HECTD4: variants seen among roughly 807,000 people sequenced by gnomAD.
HECTD4 encodes the protein probable E3 ubiquitin-protein ligase HECTD4.
In HECTD4, 114 loss-of-function variants were observed where a neutral mutation model predicts 471.5. That is an observed-to-expected ratio of 0.24 (90% CI 0.21 to 0.28). The LOEUF is 0.28. Among genes scored for constraint, HECTD4 ranks in the 10% least tolerant of loss-of-function variants. The probability of loss-of-function intolerance (pLI) is 1.00; values close to 1 mark genes in which losing one functional copy is unlikely to be tolerated. For missense variants in HECTD4, 3,866 were observed against 5,651.5 expected (o/e 0.68, Z 10.13); for synonymous variants, 2,012 against 2,256.0 (o/e 0.89, Z 3.07).
At chr12:112,380,972 C>G (rs2036876245) in intron 1 of HECTD4, among the ~76,000 whole-genome samples, 1 of 152,160 alleles carries the variant, frequency 6.6e-6, no homozygotes, top group Non-Finnish European at 1.5e-5. Flanking sequence ...TGCGCCCTAC[C>G]CCAGAAAGCT....
intron 1 of HECTD4, among the ~76,000 whole-genome samples, chr12:112,362,239 T>C (rs1257508287): frequency 6.6e-6 from 1 of 152,270 alleles, no homozygotes; most frequent in Non-Finnish European, 1.5e-5. Context: ...TTCAAAGCTG[T>C]CCCCATTGAT....
At chr12:112,167,276 C>A in intron 72 of HECTD4, 41 bp downstream of exon 72, 1 of 1,544,014 alleles carries the variant, frequency 6.5e-7, no homozygotes. Context: ...GCGGGGAGGC[C>A]CCGGGTTCTG....
Position 112,313,014 on chromosome 12 carries a change from T to C in HECTD4, c.916+3A>G, listed in dbSNP as rs1284701052. 1 of 1,534,796 alleles carries C rather than the reference T, an allele frequency of 6.5e-7. No homozygotes were observed. The highest frequency in any genetic ancestry group is 1.4e-5 in the African/African-American group (1 of 73,000). ...AATCACAGGACAAAAACTTTTACAT[T>C]ACCTTTATTTTCAGAACTGGAGCCA... On this transcript the variant is annotated splice_donor_region_variant and intron_variant, in intron 4 of 75. Transcript: ENST00000682272.
chr12:112,261,984 AGC>A (rs1257277724), intron 17 of HECTD4: 1 of 152,374 alleles, frequency 6.6e-6, no homozygotes, highest in East Asian at 1.9e-4. Flanking sequence ...TAAAGTAGCA[AGC>A]AGTTACAGGC....
intron 1 of HECTD4, among the ~76,000 whole-genome samples, chr12:112,325,389 T>C (rs868654412): frequency 2.6e-5 from 4 of 152,212 alleles, no homozygotes; most frequent in Non-Finnish European, 5.9e-5. Context: ...GCGTTATCCA[T>C]TTCAGGGGCC....
Position 112,167,916 on chromosome 12 carries a change from G to A in HECTD4, c.12210C>T (p.Ser4070=), listed in dbSNP as rs557968850. 11 of 1,613,058 alleles carry A rather than the reference G, an allele frequency of 6.8e-6. No homozygotes were observed. Among genetic ancestry groups the A allele is most frequent in the Admixed American group, 1.7e-5 (1 of 60,024 alleles). ...RFTGEEVHGT[S]GSFRHFLWQV... ...GCCACAGGAAGTGGCGGAAAGAGCCGCCTGTAGGACAGACGAGACACATGG... is the reference window on the plus strand; with the variant it reads ...GCCACAGGAAGTGGCGGAAAGAGCCACCTGTAGGACAGACGAGACACATGG... Residue 4070 remains serine, a splice_region_variant and synonymous_variant, in exon 71 of 76, where the codon AGC becomes AGT. Transcript: ENST00000682272.
At chr12:112,191,859 G>A (rs369475054) in intron 59 of HECTD4, among the ~76,000 whole-genome samples, 68 of 152,162 alleles carry the variant, frequency 4.5e-4, no homozygotes, top group African/African-American at 1.5e-3. Flanking sequence ...AGAAGCCCAG[G>A]CCTGTTATTT....
At chr12:112,362,246 T>G (rs893025986) in intron 1 of HECTD4, among the ~76,000 whole-genome samples, 1 of 152,250 alleles carries the variant, frequency 6.6e-6, no homozygotes, top group Non-Finnish European at 1.5e-5. Flanking sequence ...CTGTCCCCAT[T>G]GATCTGCTAA....
chr12:112,161,439 T>C lies in HECTD4; in HGVS notation c.*948A>G, dbSNP rs552343506. The C allele has an allele frequency of 6.6e-6, 1 of 152,336 alleles. No homozygotes were observed. The highest frequency in any genetic ancestry group is 1.9e-4 in the East Asian group (1 of 5,182). 9.4% of individuals were successfully genotyped at this position (152,336 alleles called of 1,614,324 possible). ...AGCAGAGCACCTCAGTCCACTCTTT[T>C]GAAAATGGGTGTGGCCCTTTCCCTT... On this transcript the variant is annotated 3_prime_UTR_variant, in exon 76 of 76. Transcript: ENST00000682272.
chr12:112,209,287 A>T, intron 50 of HECTD4, among the ~76,000 whole-genome samples: 1 of 151,348 alleles, frequency 6.6e-6, no homozygotes, highest in Non-Finnish European at 1.5e-5. Flanking sequence ...GAGCTGTTTT[A>T]TTTAATTTTA....
chr12:112,374,977 T>C (rs1594085804), intron 1 of HECTD4, among the ~76,000 whole-genome samples: 2 of 152,218 alleles, frequency 1.3e-5, no homozygotes, highest in East Asian at 1.9e-4. Context: ...AGTTTTGACA[T>C]ACATATACAA....
In HECTD4 at chr12:112,235,418, C is replaced by T; in HGVS notation, c.5725+86G>A. The T allele has an allele frequency of 6.6e-7, 1 of 1,511,252 alleles. No individual in the cohort carries two copies. Among genetic ancestry groups the T allele is most frequent in the East Asian group, 2.3e-5 (1 of 44,206 alleles). The allele number at this position is 1,511,252 out of a possible 1,614,324, so 93.6% of individuals were successfully genotyped here. A position where few individuals can be genotyped will look rare whatever the true frequency, so the allele number is the denominator to read the frequency against. ...CCTTCTCTGTCACTCACTCTTTCAT[C>T]ATAGGAAGCACAGATGCAAGGGGGA... On this transcript the variant is annotated intron_variant, in intron 36 of 75. Coordinates refer to ENST00000682272, the MANE Select transcript of HECTD4 (RefSeq NM_001388303.1). This position sits in a 1 kb window ranked among gnomAD's most constrained non-coding sequence, Gnocchi z 5.0.
rs2033845501 is a variant in HECTD4, at chr12:112,250,046, A to G, written c.3950+98T>C. ...CATTCATGGAGTAAACATAAAATTA[A>G]AGTTTCATTTACTAGACCACAGAAG... On this transcript the variant is annotated intron_variant, in intron 25 of 75. Transcript: ENST00000682272. 8.3e-6 allele frequency: 7 copies of G among 843,708 alleles called. No individual in the cohort carries two copies. In the Admixed American group the frequency reaches 1.4e-4, roughly 16 times the overall value. The allele number at this position is 843,708 out of a possible 1,614,324, so 52.3% of individuals were successfully genotyped here. A position where few individuals can be genotyped will look rare whatever the true frequency, so the allele number is the denominator to read the frequency against.
chr12:112,274,608 G>C (rs765528115), intron 10 of HECTD4, among the ~76,000 whole-genome samples: 4 of 152,178 alleles, frequency 2.6e-5, no homozygotes, highest in Non-Finnish European at 5.9e-5. Context: ...TCAGGAGGCT[G>C]AGATGGGAGG....
chr12:112,181,827 C>T (rs773020655), intron 62 of HECTD4, among the ~76,000 whole-genome samples: 1 of 152,220 alleles, frequency 6.6e-6, no homozygotes, highest in Non-Finnish European at 1.5e-5. Flanking sequence ...CGCAGTGGTT[C>T]ACACCTGTAA....
chr12:112,368,052 C>A (rs766951457), intron 1 of HECTD4, among the ~76,000 whole-genome samples: 1 of 152,084 alleles, frequency 6.6e-6, no homozygotes. Context: ...ACTTGAATGC[C>A]GAATCTGTAG....
intron 46 of HECTD4, 23 bp from the exon 47 acceptor site, chr12:112,216,944 C>A (rs1240773114): frequency 6.2e-6 from 10 of 1,610,094 alleles, no homozygotes; most frequent in Non-Finnish European, 8.5e-6. Flanking sequence ...CAGAAGAGAG[C>A]AGCAATCAGA....
chr12:112,167,344 G>A lies in HECTD4; in HGVS notation c.12507C>T (p.Thr4169=). The change falls in exon 72 of 76, where the codon ACC becomes ACT. Residue 4169 remains threonine (T), a synonymous_variant. Transcript: ENST00000682272. ...EQDLQEADIL[T]YNYVKKFESI... ...TCTCAAACTTCTTGACGTAATTGTAGGTGAGGATATCCGCTTCCTGCAGGT... is the reference window on the plus strand; with the variant it reads ...TCTCAAACTTCTTGACGTAATTGTAAGTGAGGATATCCGCTTCCTGCAGGT... 6.2e-7 allele frequency: 1 copy of A among 1,613,250 alleles called. No homozygotes were observed. Among genetic ancestry groups the A allele is most frequent in the Non-Finnish European group, 8.5e-7 (1 of 1,179,526 alleles).
intron 15 of HECTD4, 51 bp downstream of exon 15, chr12:112,265,827 C>T: frequency 1.5e-6 from 2 of 1,360,616 alleles, no homozygotes; most frequent in Non-Finnish European, 1.0e-6. Flanking sequence ...TAAATGTAAA[C>T]TAACGACTGA....
Sources: allele counts gnomAD v4.1 joint callset (sites outside exome capture counted in the v4.1 genomes callset), GRCh38; gene constraint gnomAD v4.1.1; non-coding constraint Gnocchi (gnomAD v3.1); transcripts MANE v1.5; gene names NCBI Gene and HGNC (gene_info 2026-07-23, HGNC 2026-07-21).